LRRC37A2: variants seen among roughly 807,000 people sequenced by gnomAD.
The protein encoded by LRRC37A2 is leucine-rich repeat-containing protein 37A2.
A neutral mutation model predicts 68.8 loss-of-function variants in LRRC37A2; 9 were observed. The observed-to-expected ratio is 0.13, with a 90% CI of 0.08 to 0.23. The LOEUF (loss-of-function observed/expected upper bound fraction) is 0.23. Among genes scored for constraint, LRRC37A2 ranks in the 10% least tolerant of loss-of-function variants. LRRC37A2 has a pLI of 1.00. For synonymous variants in LRRC37A2, 63 were observed against 367.6 expected (o/e 0.17, Z 9.48); for missense variants, 168 against 950.4 (o/e 0.18, Z 10.82).
chr17:46,876,460 A>G, the LRRC37A2 span: 3 of 1,613,690 alleles, frequency 1.9e-6, no homozygotes, highest in Admixed American at 3.3e-5. Flanking sequence ...GCCTCACCAA[A>G]GGCCTGGCCC....
rs1276201379 is a variant in LRRC37A2 at position 46,550,405 on chromosome 17, T to G, written c.4705-10T>G. On this transcript the variant is annotated splice_polypyrimidine_tract_variant and intron_variant, in intron 10 of 14. Coordinates refer to ENST00000576629, the Ensembl canonical transcript of LRRC37A2. The stretch of plus-strand genomic sequence containing the variant: ...ATTCTGGTTTTTTTTTTGTGTGTTT[T>G]TTTTTTTAGCTCAAAAAAGAAGTTC... 3 of 757,932 alleles carry G rather than the reference T, an allele frequency of 4.0e-6. 1 individual carries two copies. Among genetic ancestry groups the G allele is most frequent in the African/African-American group, 4.4e-5 (2 of 45,208 alleles). 47.0% of individuals were successfully genotyped at this position (757,932 alleles called of 1,614,324 possible). A position where few individuals can be genotyped will look rare whatever the true frequency, so the allele number is the denominator to read the frequency against.
At chr17:46,965,081 A>G in the LRRC37A2 span, 1 of 152,180 alleles carries the variant, frequency 6.6e-6, no homozygotes, top group East Asian at 1.9e-4. Flanking sequence ...TCCCAGAAAC[A>G]TTAATATAAA....
chr17:46,865,307 C>A, the LRRC37A2 span, among the ~76,000 whole-genome samples: 1 of 152,254 alleles, frequency 6.6e-6, no homozygotes, highest in African/African-American at 2.4e-5. Flanking sequence ...CTGATGCCAT[C>A]CCCTGCAGGC....
chr17:46,899,675 C>A, the LRRC37A2 span, among the ~76,000 whole-genome samples: 3 of 152,124 alleles, frequency 2.0e-5, no homozygotes, highest in Non-Finnish European at 2.9e-5. Context: ...ATGAAAAATG[C>A]TCTGGAATTA....
At chr17:46,944,039 T>C in the LRRC37A2 span, among the ~76,000 whole-genome samples, 1 of 152,174 alleles carries the variant, frequency 6.6e-6, no homozygotes. Context: ...TGGCCCTTCC[T>C]TCCAGGCATC....
the LRRC37A2 span, among the ~76,000 whole-genome samples, chr17:46,489,998 AC>A: frequency 6.6e-5 from 10 of 150,630 alleles, no homozygotes; most frequent in Admixed American, 5.9e-4. Flanking sequence ...GGTGGAAAGT[AC>A]CATGGAAATG....
At chr17:47,026,245 G>C in the LRRC37A2 span, among the ~76,000 whole-genome samples, 1 of 152,122 alleles carries the variant, frequency 6.6e-6, no homozygotes, top group Non-Finnish European at 1.5e-5. Context: ...AAAATGGGAG[G>C]GCAAAACACA....
the LRRC37A2 span, among the ~76,000 whole-genome samples, chr17:46,730,968 A>C: frequency 1.0e-4 from 8 of 79,130 alleles, no homozygotes; most frequent in African/African-American, 2.4e-4. Context: ...GCTGGTAAGA[A>C]TGTTCCTCAA....
At chr17:46,839,963 TC>T in the LRRC37A2 span, among the ~76,000 whole-genome samples, 267 of 148,078 alleles carry the variant, frequency 1.8e-3, 1 homozygote, top group Non-Finnish European at 2.9e-3. Flanking sequence ...TTTCTTTCTT[TC>T]TTTCTTTCTT....
At chr17:46,759,505 G>A in the LRRC37A2 span, among the ~76,000 whole-genome samples, 1 of 152,174 alleles carries the variant, frequency 6.6e-6, no homozygotes, top group Non-Finnish European at 1.5e-5. Flanking sequence ...CACTATTTTG[G>A]GAGTATAAGA....
the LRRC37A2 span, among the ~76,000 whole-genome samples, chr17:46,973,404 T>A: frequency 6.6e-6 from 1 of 152,088 alleles, no homozygotes; most frequent in Non-Finnish European, 1.5e-5. Context: ...CTCAAGTGAT[T>A]CGCCCACCTT....
the LRRC37A2 span, among the ~76,000 whole-genome samples, chr17:46,965,820 G>A: frequency 2.0e-5 from 3 of 149,990 alleles, no homozygotes; most frequent in African/African-American, 4.9e-5. Context: ...TTGTAGAGGC[G>A]GGGTCTCATT....
At chr17:46,952,150 A>G in the LRRC37A2 span, among the ~76,000 whole-genome samples, 1 of 152,146 alleles carries the variant, frequency 6.6e-6, no homozygotes. Flanking sequence ...TTATCTACCC[A>G]GCATCTCGTC....
chr17:46,833,834 G>T, the LRRC37A2 span, among the ~76,000 whole-genome samples: 1 of 152,032 alleles, frequency 6.6e-6, no homozygotes, highest in African/African-American at 2.4e-5. Context: ...AACTTCCTTC[G>T]CCTCTTTTTC....
chr17:46,943,706 G>C, the LRRC37A2 span, among the ~76,000 whole-genome samples: 2 of 152,248 alleles, frequency 1.3e-5, no homozygotes, highest in Non-Finnish European at 2.9e-5. Flanking sequence ...GCCAGGCCAG[G>C]AGGAAGCCAG....
At chr17:46,940,538 G>C in the LRRC37A2 span, 2 of 1,614,088 alleles carry the variant, frequency 1.2e-6, no homozygotes, top group Non-Finnish European at 1.7e-6. Context: ...CGACGGCAAG[G>C]CTGTCCTGTC....
At chr17:46,892,054 G>A in the LRRC37A2 span, among the ~76,000 whole-genome samples, 3 of 151,512 alleles carry the variant, frequency 2.0e-5, no homozygotes, top group South Asian at 6.3e-4. Context: ...GAGTAGCTGG[G>A]ATTACAGGTG....
chr17:46,987,427 A>G, the LRRC37A2 span, among the ~76,000 whole-genome samples: 7 of 152,228 alleles, frequency 4.6e-5, no homozygotes, highest in African/African-American at 1.7e-4. Context: ...GATTAAAAAT[A>G]AAACAACTCT....
chr17:46,494,803 A>G, the LRRC37A2 span, among the ~76,000 whole-genome samples: 2 of 151,118 alleles, frequency 1.3e-5, no homozygotes, highest in African/African-American at 2.5e-5. Context: ...ATCATCTCAG[A>G]TGTTTATCCT....
Sources: gnomAD v4.1 joint callset for allele counts (sites outside exome capture counted in the v4.1 genomes callset) on GRCh38, gnomAD v4.1.1 for gene constraint, MANE v1.5 for transcripts, NCBI Gene and HGNC (gene_info 2026-07-23, HGNC 2026-07-21) for gene names.